The following RASL10A variants were observed in gnomAD, a reference collection of about 807,000 sequenced individuals.
The protein encoded by RASL10A is ras-like protein family member 10A.
RASL10A carries 13 observed loss-of-function variants against 17.3 expected under a neutral mutation model. The ratio of observed to expected loss-of-function variants is 0.75; its 90% CI spans 0.49 to 1.20. The LOEUF is 1.20. Among genes scored for constraint, RASL10A ranks in the 50% most tolerant of loss-of-function variants. The pLI is 0.00. For missense variants in RASL10A, 307 were observed against 310.3 expected (o/e 0.99, Z 0.08); for synonymous variants, 159 against 142.2 (o/e 1.12, Z -0.84).
upstream of RASL10A, among the ~76,000 whole-genome samples, chr22:29,318,420 A>T (rs1406625649): frequency 6.6e-6 from 1 of 152,190 alleles, no homozygotes. Flanking sequence ...GCCTGGCTTC[A>T]TCTGGACCCA....
upstream of RASL10A, among the ~76,000 whole-genome samples, chr22:29,316,017 G>C (rs775509623): frequency 1.3e-5 from 2 of 152,232 alleles, no homozygotes; most frequent in Non-Finnish European, 2.9e-5. Flanking sequence ...TCCGAATTGG[G>C]GGGGGCGGCT....
Position 29,313,141 on chromosome 22 carries a change from G to A in RASL10A, c.*160C>T, listed in dbSNP as rs2147909300. The A allele has an allele frequency of 1.0e-6, 1 of 1,004,644 alleles. No individual in the cohort carries two copies. The highest frequency in any genetic ancestry group is 3.0e-5 in the East Asian group (1 of 33,124). The allele number at this position is 1,004,644 out of a possible 1,614,324, so 62.2% of individuals were successfully genotyped here. On this transcript the variant is annotated 3_prime_UTR_variant, in exon 3 of 3. Coordinates refer to ENST00000216101, the MANE Select transcript of RASL10A (RefSeq NM_006477.5). ...GGTTGGGTCCAATGAGGTTCAAAAG[G>A]GGGCCAGTCGCTTAGGAGACTGGGT...
Position 29,313,487 on chromosome 22 carries a change from G to A in RASL10A, c.426C>T (p.Arg142=), listed in dbSNP as rs2061432630. 1.3e-6 allele frequency: 2 copies of A among 1,557,048 alleles called. No individual in the cohort carries two copies. Among genetic ancestry groups the A allele is most frequent in the South Asian group, 1.2e-5 (1 of 85,958 alleles). ...DRQRLRFGPR[R]ALAALVRRGW... ...CCCTGCGCACTAGGGCGGCCAGCGC[G>A]CGCCGCGGTCCGAAGCGCAGCCGCT... Residue 142 remains arginine, a synonymous_variant, in exon 3 of 3, where the codon CGC becomes CGT. Coordinates refer to ENST00000216101, the MANE Select transcript of RASL10A (RefSeq NM_006477.5).
chr22:29,313,481 C>CAGCGCGCGCCGCGGTCCGA lies in RASL10A; in HGVS notation c.413_431dup (p.Ala145ArgfsTer122). On this transcript the variant is annotated frameshift_variant, in exon 3 of 3. Coordinates refer to ENST00000216101, the MANE Select transcript of RASL10A (RefSeq NM_006477.5). LOFTEE classifies it high-confidence loss of function. ...GCCAGCCCCTGCGCACTAGGGCGGCCAGCGCGCGCCGCGGTCCGAAGCGCA... is the reference window on the plus strand; with the variant it reads ...GCCAGCCCCTGCGCACTAGGGCGGCCAGCGCGCGCCGCGGTCCGAAGCGCGCGCCGCGGTCCGAAGCGCA... The CAGCGCGCGCCGCGGTCCGA allele has an allele frequency of 6.4e-7, 1 of 1,553,580 alleles. No individual in the cohort carries two copies. Among genetic ancestry groups the CAGCGCGCGCCGCGGTCCGA allele is most frequent in the Non-Finnish European group, 8.6e-7 (1 of 1,156,408 alleles).
chr22:29,318,109 C>T (rs530711336), upstream of RASL10A, among the ~76,000 whole-genome samples: 99 of 152,318 alleles, frequency 6.5e-4, no homozygotes, highest in Middle Eastern at 3.4e-3. Context: ...GTGTGTGAGG[C>T]GTCTCTGGCT....
chr22:29,318,242 G>C (rs2061462312), upstream of RASL10A, among the ~76,000 whole-genome samples: 1 of 152,204 alleles, frequency 6.6e-6, no homozygotes, highest in African/African-American at 2.4e-5. Flanking sequence ...AGCGTTCCTA[G>C]CAGCAGTGCC....
At chr22:29,318,491 C>G (rs2061463156), upstream of RASL10A, among the ~76,000 whole-genome samples, 1 of 152,222 alleles carries the variant, frequency 6.6e-6, no homozygotes, top group Non-Finnish European at 1.5e-5. Flanking sequence ...AGCCCCCTGT[C>G]GGGAGGGACT....
rs781171710 is a variant in RASL10A, at chr22:29,313,980, G to A, written c.227C>T (p.Pro76Leu). The change falls in exon 2 of 3, where the codon CCA becomes CTA. Residue 76 changes from proline (P) to leucine (L), a missense_variant. Transcript: ENST00000216101. ...GSSPGGPEEW[P>L]DAKDWSLQDT... ...CTGCAAGCTCCAGTCCTTAGCGTCTGGCCACTCCTGGGGACAGGAGGCCAG... is the reference window on the plus strand; with the variant it reads ...CTGCAAGCTCCAGTCCTTAGCGTCTAGCCACTCCTGGGGACAGGAGGCCAG... 1 of 1,613,280 alleles carries A rather than the reference G, an allele frequency of 6.2e-7. No individual in the cohort carries two copies. The highest frequency in any genetic ancestry group is 8.5e-7 in the Non-Finnish European group (1 of 1,180,026).
rs1392792957 is a variant in RASL10A, at chr22:29,313,075, TC to T, written c.*225del. The T allele has an allele frequency of 1.0e-5, 5 of 488,850 alleles. No homozygotes were observed. In the Admixed American group the frequency reaches 1.2e-4, roughly 12 times the overall value. 30.3% of individuals were successfully genotyped at this position (488,850 alleles called of 1,614,324 possible). ...CCAATGGGATTGTGACCCATTGAGG[TC>T]CCAGAAAGGACTGGTCATCTCCAAT... On this transcript the variant is annotated 3_prime_UTR_variant, in exon 3 of 3. Transcript: ENST00000216101.
At chr22:29,315,757 G>C (rs953321637), upstream of RASL10A, 1 of 151,980 alleles carries the variant, frequency 6.6e-6, no homozygotes, top group Non-Finnish European at 1.5e-5. The surrounding 1 kb of genome is among the most constrained non-coding windows in gnomAD (Gnocchi z 5.5). Context: ...TGAGGTAACC[G>C]CCCGCCCCTC....
chr22:29,316,123 C>G (rs1330303134), upstream of RASL10A, among the ~76,000 whole-genome samples: 1 of 152,228 alleles, frequency 6.6e-6, no homozygotes, highest in African/African-American at 2.4e-5. Flanking sequence ...TTCTTGAGAG[C>G]CTACTATGTG....
chr22:29,317,242 G>A (rs1328018783), upstream of RASL10A: 2 of 152,124 alleles, frequency 1.3e-5, no homozygotes, highest in African/African-American at 2.4e-5. Flanking sequence ...CAGACTTCTG[G>A]GTTTTGTTGT....
upstream of RASL10A, chr22:29,319,478 C>T (rs112766628): frequency 0.019 from 2,944 of 152,404 alleles, 31 homozygotes; most frequent in South Asian, 0.045. Flanking sequence ...GGCTGGGCTT[C>T]CAAGCCTCTG....
In RASL10A at chr22:29,315,062, A is replaced by T. The variant is rs2061444882; in HGVS notation, c.185T>A (p.Val62Asp). Reference protein sequence around the residue: ...VYDLSIRDGDVAGPGSSPGGP... With the variant: ...VYDLSIRDGDDAGPGSSPGGP... ...CCCGGGGCTCGAGCCGGGGCCAGCG[A>T]CGTCGCCGTCGCGGATGCTCAAGTC... The change falls in exon 1 of 3, where the codon GTC becomes GAC. Residue 62 changes from valine to aspartate, a missense_variant. Val to Asp is a radical substitution (Grantham distance 152). Coordinates refer to ENST00000216101, the MANE Select transcript of RASL10A (RefSeq NM_006477.5). The surrounding 1 kb of genome is among the most constrained non-coding windows in gnomAD (Gnocchi z 5.5). 1 of 1,518,368 alleles carries T rather than the reference A, an allele frequency of 6.6e-7. No homozygotes were observed. The highest frequency in any genetic ancestry group is 8.8e-7 in the Non-Finnish European group (1 of 1,137,180). The allele number at this position is 1,518,368 out of a possible 1,614,324, so 94.1% of individuals were successfully genotyped here.
rs112956219 is a variant in RASL10A, at chr22:29,313,835, C to T, written c.344+28G>A. ...GGCCCTGCCAGACCTGTCCTAGCTCCCCACCGCCAGAACTGCCGGGCCCCT... is the reference window on the plus strand; with the variant it reads ...GGCCCTGCCAGACCTGTCCTAGCTCTCCACCGCCAGAACTGCCGGGCCCCT... On this transcript the variant is annotated intron_variant, in intron 2 of 2. Coordinates refer to ENST00000216101, the MANE Select transcript of RASL10A (RefSeq NM_006477.5). 3.1e-6 allele frequency: 5 copies of T among 1,611,072 alleles called. No homozygotes were observed. The African/African-American group carries it at 5.3e-5, about 17-fold the overall frequency.
chr22:29,313,664 CAG>C, intron 2 of RASL10A, 96 bp from the exon 3 acceptor site: 9 of 1,424,968 alleles, frequency 6.3e-6, no homozygotes, highest in Non-Finnish European at 8.3e-6. Flanking sequence ...TTCCTACGGC[CAG>C]AGACACCGCC....
intron 1 of RASL10A, 89 bp from the exon 2 acceptor site, chr22:29,314,076 G>A: frequency 6.5e-7 from 1 of 1,548,110 alleles, no homozygotes; most frequent in Non-Finnish European, 8.7e-7. Context: ...CTAATCCTCA[G>A]GCCAACATCA....
chr22:29,313,765 C>G, intron 2 of RASL10A, 98 bp downstream of exon 2: 1 of 1,544,976 alleles, frequency 6.5e-7, no homozygotes, highest in Non-Finnish European at 8.7e-7. Context: ...GGCCTAAGAC[C>G]CGGCCCACGA....
Position 29,315,117 on chromosome 22 carries a change from G to A in RASL10A, c.130C>T (p.Pro44Ser). 7 of 1,531,394 alleles carry A rather than the reference G, an allele frequency of 4.6e-6. No homozygotes were observed. The South Asian group carries it at 4.8e-5, about 11-fold the overall frequency. 94.9% of individuals were successfully genotyped at this position (1,531,394 alleles called of 1,614,324 possible). A position where few individuals can be genotyped will look rare whatever the true frequency, so the allele number is the denominator to read the frequency against. The change falls in exon 1 of 3, where the codon CCC becomes TCC. Residue 44 changes from proline (P) to serine (S), a missense_variant. Transcript: ENST00000216101. The surrounding 1 kb of genome is among the most constrained non-coding windows in gnomAD (Gnocchi z 5.5). ...RPTDGPRLYR[P>S]AVLLDGAVYD... ...ACGGCGCCGTCGAGCAGCACCGCGG[G>A]TCGGTAGAGGCGCGGCCCGTCCGTG... is the stretch of plus-strand genomic sequence containing the variant.
Sources: allele counts gnomAD v4.1 joint callset (sites outside exome capture counted in the v4.1 genomes callset), GRCh38; gene constraint gnomAD v4.1.1; non-coding constraint Gnocchi (gnomAD v3.1); transcripts MANE v1.5; gene names NCBI Gene and HGNC (gene_info 2026-07-23, HGNC 2026-07-21).